Variants in CCDC51 observed in about 807,000 individuals in gnomAD.
CCDC51 encodes mitochondrial potassium channel.
A neutral mutation model predicts 24.8 loss-of-function variants in CCDC51; 25 were observed. That is an observed-to-expected ratio of 1.01 (90% CI 0.73 to 1.41). The LOEUF (loss-of-function observed/expected upper bound fraction) is 1.41. Ranked by LOEUF, CCDC51 falls within the 40% of genes most tolerant of loss-of-function variation. The pLI, the probability that CCDC51 is intolerant of heterozygous loss-of-function variation, is 0.00. For synonymous variants in CCDC51, 190 were observed against 204.3 expected, an observed-to-expected ratio of 0.93 and a Z score of 0.60; for missense variants, 466 against 519.1, an observed-to-expected ratio of 0.90 and a Z score of 0.99.
At chr3:48,440,958 A>C (rs911828401), upstream of CCDC51, 1 of 426,720 alleles carries the variant, frequency 2.3e-6, no homozygotes, top group Non-Finnish European at 4.2e-6. Flanking sequence ...TTTTGCCCCA[A>C]ATTCGTATTT....
chr3:48,434,164 G>A (rs1295062389), intron 2 of CCDC51, among the ~76,000 whole-genome samples: 8 of 152,178 alleles, frequency 5.3e-5, no homozygotes, highest in Non-Finnish European at 4.4e-5. Flanking sequence ...AACCTGTGTT[G>A]GTAGGCTGTT....
Position 48,432,985 on chromosome 3 carries a change from G to T in CCDC51, c.659C>A (p.Thr220Asn). Residue 220 changes from threonine (T) to asparagine (N), a missense_variant, in exon 4 of 4, where the codon ACC becomes AAC. Thr to Asn is a moderately conservative substitution (Grantham distance 65). Coordinates refer to ENST00000395694, the MANE Select transcript of CCDC51 (RefSeq NM_001256964.2). ...CTGTAGTCGCACACGGTTCACATAG[G>T]TGGAGCCAGCCACACCAATCAGGGC... The part of the protein sequence containing the change: ...LGALIGVAGS[T>N]YVNRVRLQEL... 2.5e-6 allele frequency: 4 copies of T among 1,614,172 alleles called. No homozygotes were observed. The highest frequency in any genetic ancestry group is 2.5e-6 in the Non-Finnish European group (3 of 1,180,042).
upstream of CCDC51, among the ~76,000 whole-genome samples, chr3:48,443,083 T>C (rs1192404394): frequency 1.3e-5 from 2 of 150,306 alleles, no homozygotes; most frequent in Non-Finnish European, 3.0e-5. Context: ...CTACTAAAAA[T>C]ACAAAAATTA....
upstream of CCDC51, among the ~76,000 whole-genome samples, chr3:48,442,711 A>C (rs543594376): frequency 8.6e-5 from 13 of 151,804 alleles, no homozygotes; most frequent in Admixed American, 4.6e-4. Context: ...CCACCTCCCA[A>C]AGTGCTGGGA....
At chr3:48,443,851 C>T, upstream of CCDC51, 1 of 1,559,816 alleles carries the variant, frequency 6.4e-7, no homozygotes, top group East Asian at 2.4e-5. Flanking sequence ...TTTGCAGCCA[C>T]AGGTGGAATT....
upstream of CCDC51, among the ~76,000 whole-genome samples, chr3:48,441,985 G>A (rs1471897715): frequency 6.6e-6 from 1 of 152,086 alleles, no homozygotes; most frequent in African/African-American, 2.4e-5. Flanking sequence ...CATAATCCAA[G>A]TGCTTTGGGA....
chr3:48,436,857 G>A (rs984390614), intron 1 of CCDC51, among the ~76,000 whole-genome samples: 4 of 152,116 alleles, frequency 2.6e-5, no homozygotes, highest in Non-Finnish European at 1.5e-5. Context: ...ATGCAATCTC[G>A]GCTTTCTCCC....
Position 48,433,560 on chromosome 3 carries a change from G to A in CCDC51, c.477+147C>T. On this transcript the variant is annotated intron_variant, in intron 3 of 3. Coordinates refer to ENST00000395694, the MANE Select transcript of CCDC51 (RefSeq NM_001256964.2). The surrounding 1 kb of genome is among the most constrained non-coding windows in gnomAD (Gnocchi z 4.4). The stretch of plus-strand genomic sequence containing the variant: ...TATGGATAGACTCTGGAAGCTTGGG[G>A]TTCTGTCCATCCATAGGAGCTTCTG... 2.4e-6 allele frequency: 2 copies of A among 837,628 alleles called. No individual in the cohort carries two copies. The highest frequency in any genetic ancestry group is 1.7e-5 in the South Asian group (1 of 59,498). The allele number at this position is 837,628 out of a possible 1,614,324, so 51.9% of individuals were successfully genotyped here. A position where few individuals can be genotyped will look rare whatever the true frequency, so the allele number is the denominator to read the frequency against.
chr3:48,444,668 G>C (rs191345147), upstream of CCDC51, among the ~76,000 whole-genome samples: 5 of 152,214 alleles, frequency 3.3e-5, no homozygotes, highest in Non-Finnish European at 5.9e-5. Flanking sequence ...CATGTAAGGC[G>C]TCTGCTATAT....
chr3:48,440,306 C>T (rs746595421), upstream of CCDC51: 23 of 1,607,746 alleles, frequency 1.4e-5, no homozygotes, highest in Non-Finnish European at 1.9e-5. Flanking sequence ...CATGTCCGGC[C>T]GCGAAGGTAA....
Position 48,433,123 on chromosome 3 carries a change from G to T in CCDC51, c.521C>A (p.Ser174Tyr), listed in dbSNP as rs1156804109. ...LRTAYLRAEDSEREKFSLFSA... is the reference protein window; with the variant it reads ...LRTAYLRAEDYEREKFSLFSA... ...GAAGAGGGAGAACTTCTCTCGCTCA[G>T]AGTCTTCTGCACGCAGATAGGCTGT... Residue 174 changes from serine to tyrosine, a missense_variant, in exon 4 of 4, where the codon TCT (serine) becomes TAT (tyrosine). Physicochemically the swap from Ser to Tyr is moderately radical, Grantham distance 144. Transcript: ENST00000395694. The surrounding 1 kb of genome is among the most constrained non-coding windows in gnomAD (Gnocchi z 4.4). 3 of 1,613,568 alleles carry T rather than the reference G, an allele frequency of 1.9e-6. No individual in the cohort carries two copies. The highest frequency in any genetic ancestry group is 8.5e-7 in the Non-Finnish European group (1 of 1,179,868).
chr3:48,438,828 C>T (rs2039453083), intron 1 of CCDC51, among the ~76,000 whole-genome samples: 1 of 152,182 alleles, frequency 6.6e-6, no homozygotes, highest in African/African-American at 2.4e-5. Context: ...TGGTTCCCCA[C>T]TTCTCTCAAG....
At chr3:48,440,829 C>G (rs2039543998), upstream of CCDC51, 1 of 606,102 alleles carries the variant, frequency 1.6e-6, no homozygotes, top group South Asian at 2.0e-5. Context: ...CTCCTGCCTC[C>G]CAGGCAGTCT....
chr3:48,433,699 G>A lies in CCDC51; in HGVS notation c.477+8C>T, dbSNP rs1305211525. 1.9e-6 allele frequency: 3 copies of A among 1,611,772 alleles called. No individual in the cohort carries two copies. The highest frequency in any genetic ancestry group is 2.5e-6 in the Non-Finnish European group (3 of 1,178,706). ...AGGTGCGAAAGGGCTGCCTCCTGAG[G>A]TGCCTACCTGCAGCATCCTGTGCTC... On this transcript the variant is annotated splice_region_variant and intron_variant, in intron 3 of 3. Coordinates refer to ENST00000395694, the MANE Select transcript of CCDC51 (RefSeq NM_001256964.2). The surrounding 1 kb of genome is among the most constrained non-coding windows in gnomAD (Gnocchi z 4.4).
Position 48,432,828 on chromosome 3 carries a change from C to T in CCDC51, c.816G>A (p.Leu272=). 1 of 1,613,696 alleles carries T rather than the reference C, an allele frequency of 6.2e-7. No homozygotes were observed. Among genetic ancestry groups the T allele is most frequent in the Non-Finnish European group, 8.5e-7 (1 of 1,179,712 alleles). Residue 272 remains leucine (L), a synonymous_variant, in exon 4 of 4, where the codon CTG becomes CTA. Transcript: ENST00000395694. The stretch of plus-strand genomic sequence containing the variant: ...CCTGCCCTGGCCCAGCAGCATGTAC[C>T]AGGCCCCTCAGGTCCACCATGAGAT... The part of the protein sequence containing the change: ...LHNLMVDLRG[L]VHAAGPGQDS...
the CCDC51 span, chr3:48,446,615 G>A: frequency 2.4e-6 from 1 of 424,492 alleles, no homozygotes; most frequent in East Asian, 4.1e-5. Context: ...CAAACCTGCC[G>A]AATCCCGCCC....
chr3:48,435,040 A>C lies in CCDC51; in HGVS notation c.89T>G (p.Leu30Arg). 6.2e-7 allele frequency: 1 copy of C among 1,614,122 alleles called. No homozygotes were observed. The highest frequency in any genetic ancestry group is 8.5e-7 in the Non-Finnish European group (1 of 1,179,986). Residue 30 changes from leucine to arginine, a missense_variant, in exon 2 of 4, where the codon CTC becomes CGC. Physicochemically the swap from Leu to Arg is moderately radical, Grantham distance 102. Transcript: ENST00000395694. This position sits in a 1 kb window ranked among gnomAD's most constrained non-coding sequence, Gnocchi z 4.2. ...GCTGCAGAGAGTCCTGGTCATGAAG[A>C]GGTCCCTTCCAAGGAGGCCCCTCCG... ...LVRRGLLGRDLFMTRTLCSPG... is the reference protein window; with the variant it reads ...LVRRGLLGRDRFMTRTLCSPG...
rs777879705 is a variant in CCDC51, at chr3:48,432,950, C to G, written c.694G>C (p.Ala232Pro). 2.1e-5 allele frequency: 34 copies of G among 1,614,018 alleles called. No individual in the cohort carries two copies. In the Admixed American group the frequency reaches 5.3e-4, roughly 25 times the overall value. ...VNRVRLQELK[A>P]LLLEAQKGPV... ...CCCTTCTGCGCCTCCAGGAGTAAAG[C>G]CTTCAGCTCCTGTAGTCGCACACGG... Residue 232 changes from alanine to proline, a missense_variant, in exon 4 of 4, where the codon GCT becomes CCT. Transcript: ENST00000395694.
chr3:48,443,890 C>T (rs1297910804), upstream of CCDC51: 3 of 1,546,848 alleles, frequency 1.9e-6, no homozygotes, highest in African/African-American at 2.8e-5. Context: ...TAAGCTGTTC[C>T]TTGTGCCTGA....
Sources: gnomAD v4.1 joint callset for allele counts (sites outside exome capture counted in the v4.1 genomes callset) on GRCh38, gnomAD v4.1.1 for gene constraint, Gnocchi (gnomAD v3.1) non-coding constraint, MANE v1.5 for transcripts, NCBI Gene and HGNC (gene_info 2026-07-23, HGNC 2026-07-21) for gene names.